Variants in TMEM116 observed in about 807,000 individuals in gnomAD.
TMEM116 encodes transmembrane protein 116.
In TMEM116, 38 loss-of-function variants were observed where a neutral mutation model predicts 44.3. The ratio of observed to expected loss-of-function variants is 0.86; its 90% CI spans 0.66 to 1.12. The LOEUF is 1.12. Ranked by LOEUF, TMEM116 falls within the 50% of genes most tolerant of loss-of-function variation. TMEM116 has a pLI of 0.00. For synonymous variants in TMEM116, 132 were observed against 144.8 expected (o/e 0.91, Z 0.64); for missense variants, 354 against 401.7 (o/e 0.88, Z 1.01).
At chr12:112,007,034 G>GT (rs2077617316) in intron 1 of TMEM116, among the ~76,000 whole-genome samples, 1 of 152,212 alleles carries the variant, frequency 6.6e-6, no homozygotes, top group South Asian at 2.1e-4. Context: ...GAGGCCAGGA[G>GT]TTTGAGGCTG....
At chr12:111,993,108 C>A (rs1225187581) in intron 3 of TMEM116, 3 of 212,480 alleles carry the variant, frequency 1.4e-5, no homozygotes, top group South Asian at 1.5e-4. Flanking sequence ...CGCAAGGCCC[C>A]CCCACTGCTC....
intron 5 of TMEM116, 61 bp from the exon 6 acceptor site, chr12:111,938,271 A>G (rs1247769545): frequency 7.8e-6 from 10 of 1,274,794 alleles, no homozygotes; most frequent in Non-Finnish European, 9.8e-6. Flanking sequence ...AATAATAAAT[A>G]CCAGATCATC....
intron 4 of TMEM116, among the ~76,000 whole-genome samples, chr12:111,990,987 G>A (rs572809355): frequency 4.6e-5 from 7 of 152,218 alleles, no homozygotes; most frequent in South Asian, 2.1e-4. Flanking sequence ...TTGGGAGGCT[G>A]AGACTGGCAG....
intron 4 of TMEM116, among the ~76,000 whole-genome samples, chr12:111,975,438 G>A (rs564136265): frequency 6.8e-6 from 1 of 147,790 alleles, no homozygotes; most frequent in African/African-American, 2.7e-5. Flanking sequence ...TTACAGGCAT[G>A]AGCCACAGCC....
At chr12:111,958,259 C>T (rs929242032) in intron 4 of TMEM116, among the ~76,000 whole-genome samples, 19 of 121,538 alleles carry the variant, frequency 1.6e-4, no homozygotes, top group Admixed American at 2.8e-4. Context: ...GAAACACCCA[C>T]GAATGATCAA....
chr12:111,933,754 C>T (rs1450767308), intron 9 of TMEM116, 132 bp downstream of exon 9: 1 of 1,120,112 alleles, frequency 8.9e-7, no homozygotes, highest in African/African-American at 1.6e-5. Flanking sequence ...CCTCAGCCTC[C>T]CAAAGTGCTG....
intron 3 of TMEM116, among the ~76,000 whole-genome samples, chr12:111,996,658 T>C (rs916995458): frequency 3.3e-5 from 5 of 152,152 alleles, no homozygotes; most frequent in African/African-American, 1.2e-4. Context: ...TGGGCAAATA[T>C]ACTAGATAAG....
At chr12:111,993,577 A>G in intron 3 of TMEM116, 1 of 543,112 alleles carries the variant, frequency 1.8e-6, no homozygotes, top group Middle Eastern at 3.3e-4. Context: ...CAAGACTTTG[A>G]GGGATGCAGC....
intron 4 of TMEM116, among the ~76,000 whole-genome samples, chr12:111,949,116 A>G (rs1323059376): frequency 6.6e-6 from 1 of 151,048 alleles, no homozygotes; most frequent in African/African-American, 2.4e-5. Context: ...CCTCTCCCCC[A>G]ACCCCCACCC....
In TMEM116 at chr12:112,013,110, T is replaced by G. The variant is rs544712938; in HGVS notation, c.-142A>C. ...AGAGGAAGGACAGCAAACGAATTGC[T>G]ATAGCGTCCCCATGCGCACTTGGCG... is the stretch of plus-strand genomic sequence containing the variant. On this transcript the variant is annotated 5_prime_UTR_variant, in exon 1 of 11. An upstream open reading frame in the 5' UTR loses its in-frame stop. Transcript: ENST00000552374. 3.5e-5 allele frequency: 9 copies of G among 258,956 alleles called. No individual in the cohort carries two copies. Among genetic ancestry groups the G allele is most frequent in the African/African-American group, 1.1e-4 (5 of 45,072 alleles). 16.0% of individuals were successfully genotyped at this position (258,956 alleles called of 1,614,324 possible).
At chr12:112,003,092 T>C (rs2077363172) in intron 3 of TMEM116, among the ~76,000 whole-genome samples, 1 of 152,186 alleles carries the variant, frequency 6.6e-6, no homozygotes, top group Non-Finnish European at 1.5e-5. Flanking sequence ...AATAAGTATG[T>C]TTCATATAGC....
intron 1 of TMEM116, chr12:112,011,445 C>G (rs751424202): frequency 7.9e-5 from 12 of 152,214 alleles, no homozygotes; most frequent in African/African-American, 2.9e-4. Context: ...TATACACATA[C>G]ATTTTGGAAA....
chr12:111,984,704 G>C (rs541410445), intron 4 of TMEM116, among the ~76,000 whole-genome samples: 1 of 152,052 alleles, frequency 6.6e-6, no homozygotes, highest in South Asian at 2.1e-4. Flanking sequence ...ATTGCTTATA[G>C]CACAAAGGAA....
intron 4 of TMEM116, among the ~76,000 whole-genome samples, chr12:111,964,228 C>G (rs1051609717): frequency 6.6e-6 from 1 of 151,478 alleles, no homozygotes; most frequent in Admixed American, 6.6e-5. Flanking sequence ...ATCACAAGGT[C>G]AAGAGATCAA....
chr12:111,988,237 T>C (rs748521888), intron 4 of TMEM116, among the ~76,000 whole-genome samples: 4 of 152,206 alleles, frequency 2.6e-5, no homozygotes, highest in Admixed American at 2.0e-4. Context: ...GTTCTGGAGA[T>C]GGACTGTGGT....
At chr12:111,983,136 T>TA (rs1000238300) in intron 4 of TMEM116, among the ~76,000 whole-genome samples, 63 of 145,476 alleles carry the variant, frequency 4.3e-4, no homozygotes, top group South Asian at 8.7e-4. Context: ...TCTATCTCTC[T>TA]AAAAAAAAAA....
chr12:111,975,238 G>A (rs2075601816), intron 4 of TMEM116, among the ~76,000 whole-genome samples: 1 of 152,198 alleles, frequency 6.6e-6, no homozygotes, highest in African/African-American at 2.4e-5. Context: ...TCAACCTCCT[G>A]GGCTTATGCA....
chr12:112,005,927 C>G (rs2077558451), intron 1 of TMEM116: 1 of 985,384 alleles, frequency 1.0e-6, no homozygotes, highest in Admixed American at 6.2e-5. Flanking sequence ...CAAAGGAAGA[C>G]AGGGAGAGCT....
chr12:111,980,602 A>G (rs2075883748), intron 4 of TMEM116, among the ~76,000 whole-genome samples: 2 of 152,186 alleles, frequency 1.3e-5, no homozygotes, highest in Non-Finnish European at 2.9e-5. Flanking sequence ...TGGGTTCATT[A>G]ATTGTAATAA....
Sources: allele counts gnomAD v4.1 joint callset (sites outside exome capture counted in the v4.1 genomes callset), GRCh38; gene constraint gnomAD v4.1.1; transcripts MANE v1.5; gene names NCBI Gene and HGNC (gene_info 2026-07-23, HGNC 2026-07-21).